Variants in AHCYL2 observed in about 807,000 individuals in gnomAD.
The protein encoded by AHCYL2 is adenosylhomocysteinase like 2.
Under a neutral mutation model 81.4 loss-of-function variants are expected in AHCYL2, and 28 were observed. That is an observed-to-expected ratio of 0.34 (90% CI 0.25 to 0.47). The LOEUF (loss-of-function observed/expected upper bound fraction) is 0.47. AHCYL2 is among the 20% of genes least tolerant of loss of function. The pLI is 1.00. For missense variants in AHCYL2, 551 were observed against 785.1 expected (o/e 0.70, Z 3.56); for synonymous variants, 272 against 290.2 (o/e 0.94, Z 0.64).
intron 1 of AHCYL2, among the ~76,000 whole-genome samples, chr7:129,375,058 A>T (rs554601752): frequency 9.2e-5 from 14 of 152,190 alleles, no homozygotes; most frequent in African/African-American, 3.1e-4. Context: ...CTCTGAGGAG[A>T]TAAGAAACTT....
chr7:129,369,096 G>A (rs1938143945), intron 1 of AHCYL2, among the ~76,000 whole-genome samples: 1 of 151,838 alleles, frequency 6.6e-6, no homozygotes, highest in African/African-American at 2.4e-5. Context: ...CAGCTCTCTT[G>A]GTACAGTTCT....
At chr7:129,396,986 G>A (rs889703260) in intron 4 of AHCYL2, among the ~76,000 whole-genome samples, 6 of 152,108 alleles carry the variant, frequency 3.9e-5, no homozygotes, top group African/African-American at 1.2e-4. Context: ...AATCTTATGG[G>A]GAAGCTTAAT....
intron 1 of AHCYL2, among the ~76,000 whole-genome samples, chr7:129,228,112 GT>G (rs1291095293): frequency 6.6e-6 from 1 of 152,152 alleles, no homozygotes; most frequent in Non-Finnish European, 1.5e-5. Context: ...ACTCCTTACT[GT>G]TTTTCTTATA....
At chr7:129,334,453 T>C (rs909394079) in intron 1 of AHCYL2, among the ~76,000 whole-genome samples, 2 of 152,142 alleles carry the variant, frequency 1.3e-5, no homozygotes, top group Admixed American at 1.3e-4. Context: ...TGTTAGAAAA[T>C]TGTTAGACAT....
At chr7:129,296,623 T>A (rs1020618394) in intron 1 of AHCYL2, among the ~76,000 whole-genome samples, 2 of 152,082 alleles carry the variant, frequency 1.3e-5, no homozygotes, top group Admixed American at 1.3e-4. Flanking sequence ...CGTAGGAGGA[T>A]CCCTTCAGCC....
At chr7:129,238,166 C>A (rs1174844813) in intron 1 of AHCYL2, among the ~76,000 whole-genome samples, 1 of 152,118 alleles carries the variant, frequency 6.6e-6, no homozygotes, top group Non-Finnish European at 1.5e-5. Context: ...AAATTCTTTT[C>A]CTGGAAGGCA....
intron 11 of AHCYL2, among the ~76,000 whole-genome samples, chr7:129,412,297 CTTT>C (rs371565692): frequency 7.1e-6 from 1 of 140,942 alleles, no homozygotes; most frequent in Non-Finnish European, 1.6e-5. Context: ...AATTGCCAAA[CTTT>C]TTTTTTTTTT....
intron 1 of AHCYL2, among the ~76,000 whole-genome samples, chr7:129,246,549 G>A (rs1387110026): frequency 1.3e-5 from 2 of 152,140 alleles, no homozygotes; most frequent in Non-Finnish European, 2.9e-5. Flanking sequence ...TCTGGCTGGA[G>A]TGCCATGCTG....
chr7:129,226,574 T>G (rs1794228987), intron 1 of AHCYL2, among the ~76,000 whole-genome samples: 1 of 152,224 alleles, frequency 6.6e-6, no homozygotes, highest in African/African-American at 2.4e-5. Context: ...TTTTACTGTG[T>G]GGGACCAGCT....
chr7:129,316,864 A>G (rs1310188098), intron 1 of AHCYL2, among the ~76,000 whole-genome samples: 2 of 152,240 alleles, frequency 1.3e-5, no homozygotes, highest in Admixed American at 6.5e-5. Context: ...ATTGAAACGA[A>G]TGTTTCCTTT....
chr7:129,251,940 G>C (rs907139822), intron 1 of AHCYL2, among the ~76,000 whole-genome samples: 2 of 152,012 alleles, frequency 1.3e-5, no homozygotes, highest in Non-Finnish European at 1.5e-5. Flanking sequence ...GAGAATATTT[G>C]TGTTTTTAAT....
intron 8 of AHCYL2, chr7:129,405,441 G>A (rs1241475298): frequency 8.2e-6 from 3 of 365,934 alleles, no homozygotes; most frequent in African/African-American, 6.3e-5. Context: ...ATAAATGTAT[G>A]TTGCTTTTAT....
At chr7:129,364,287 T>A (rs915033066) in intron 1 of AHCYL2, among the ~76,000 whole-genome samples, 3 of 152,210 alleles carry the variant, frequency 2.0e-5, no homozygotes, top group Non-Finnish European at 2.9e-5. Context: ...ACATTTTTTT[T>A]AACTTTTTAT....
At position 129,308,948 on chromosome 7, in the gene AHCYL2, G is replaced by A. The variant is rs527253407; in HGVS notation, c.364-70690G>A. Reference sequence around the variant, plus strand: ...TTGAATTAAAAATATTTATGGTTATGGGCTGGGCACAGTGGCTCATGTCTG... The same window carrying A: ...TTGAATTAAAAATATTTATGGTTATAGGCTGGGCACAGTGGCTCATGTCTG... On this transcript the variant is annotated intron_variant, in intron 1 of 16. Coordinates refer to ENST00000325006, the MANE Select transcript of AHCYL2 (RefSeq NM_015328.4). Among the ~76,000 whole-genome samples, 93 of 152,204 alleles carry A rather than the reference G, an allele frequency of 6.1e-4. 1 individual carries two copies. In the South Asian group the frequency reaches 7.7e-3, roughly 13 times the overall value.
At chr7:129,290,394 G>C (rs575097102) in intron 1 of AHCYL2, among the ~76,000 whole-genome samples, 3 of 151,540 alleles carry the variant, frequency 2.0e-5, no homozygotes, top group Non-Finnish European at 4.4e-5. Flanking sequence ...CCAGCTACTC[G>C]GGAGGCTGAG....
At chr7:129,384,841 G>C (rs1328214922) in intron 2 of AHCYL2, among the ~76,000 whole-genome samples, 2 of 152,186 alleles carry the variant, frequency 1.3e-5, no homozygotes, top group Non-Finnish European at 2.9e-5. Flanking sequence ...AATTCATTAT[G>C]TACAATGGAT....
At chr7:129,247,311 T>G (rs1002844848) in intron 1 of AHCYL2, among the ~76,000 whole-genome samples, 4 of 152,230 alleles carry the variant, frequency 2.6e-5, no homozygotes, top group Non-Finnish European at 5.9e-5. Context: ...TAATTTGTGT[T>G]TCCTCATGAC....
chr7:129,352,130 T>G (rs1208520098), intron 1 of AHCYL2, among the ~76,000 whole-genome samples: 2 of 152,188 alleles, frequency 1.3e-5, no homozygotes, highest in East Asian at 1.9e-4. Flanking sequence ...AAAGCATTCC[T>G]GATTGTTTGA....
At chr7:129,241,885 A>G (rs2694584) in intron 1 of AHCYL2, among the ~76,000 whole-genome samples, 140,180 of 151,982 alleles carry the variant, frequency 0.92, 65,732 homozygotes, top group East Asian at 1. Flanking sequence ...AGAAAAAAAA[A>G]AAAAAGAACT....
Sources: allele counts gnomAD v4.1 joint callset (sites outside exome capture counted in the v4.1 genomes callset), GRCh38; gene constraint gnomAD v4.1.1; transcripts MANE v1.5; gene names NCBI Gene and HGNC (gene_info 2026-07-23, HGNC 2026-07-21).